DPP10: variants seen among roughly 807,000 people sequenced by gnomAD.
The protein encoded by DPP10 is dipeptidyl peptidase like 10.
DPP10 carries 33 observed loss-of-function variants against 120.9 expected under a neutral mutation model. The ratio of observed to expected loss-of-function variants is 0.27; its 90% CI spans 0.21 to 0.37. DPP10 has a LOEUF of 0.37. DPP10 is among the 10% of genes least tolerant of loss of function. DPP10 has a pLI of 1.00. For missense variants in DPP10, 816 were observed against 942.8 expected, an observed-to-expected ratio of 0.87 and a Z score of 1.76; for synonymous variants, 337 against 326.1, an observed-to-expected ratio of 1.03 and a Z score of -0.36.
At chr2:115,507,137 G>T (rs141763435) in intron 4 of DPP10, among the ~76,000 whole-genome samples, 1 of 151,794 alleles carries the variant, frequency 6.6e-6, no homozygotes, top group African/African-American at 2.4e-5. Flanking sequence ...TGATATATCT[G>T]GCTGAAATAA....
intron 19 of DPP10, among the ~76,000 whole-genome samples, chr2:115,792,018 A>T (rs1395063420): frequency 2.0e-5 from 3 of 152,186 alleles, no homozygotes; most frequent in Non-Finnish European, 4.4e-5. Context: ...GTCTAAAATT[A>T]TATCTTTAGA....
chr2:115,024,619 T>C (rs924279635), intron 1 of DPP10, among the ~76,000 whole-genome samples: 2 of 150,786 alleles, frequency 1.3e-5, no homozygotes, highest in African/African-American at 4.8e-5. Context: ...ATACATAACC[T>C]TAAATGTATA....
intron 1 of DPP10, among the ~76,000 whole-genome samples, chr2:114,700,350 G>A (rs1305375534): frequency 3.3e-5 from 5 of 152,024 alleles, no homozygotes; most frequent in African/African-American, 1.2e-4. Context: ...AAACTCCTAG[G>A]TGTAGATTAC....
At chr2:115,174,531 A>G (rs2053569419) in intron 1 of DPP10, among the ~76,000 whole-genome samples, 1 of 152,218 alleles carries the variant, frequency 6.6e-6, no homozygotes, top group Non-Finnish European at 1.5e-5. Context: ...TATATTTTCT[A>G]TAATTAACAT....
intron 1 of DPP10, among the ~76,000 whole-genome samples, chr2:114,539,840 GCA>G (rs1686814395): frequency 6.6e-6 from 1 of 152,100 alleles, no homozygotes; most frequent in Non-Finnish European, 1.5e-5. Flanking sequence ...GTCTTCTAAA[GCA>G]CATTGACATA....
intron 1 of DPP10, among the ~76,000 whole-genome samples, chr2:114,899,900 C>A (rs1325596289): frequency 6.6e-6 from 1 of 152,186 alleles, no homozygotes; most frequent in African/African-American, 2.4e-5. Flanking sequence ...GTGGAGCTGG[C>A]AGTGAGCCAA....
At chr2:115,246,645 G>A (rs560234399) in intron 1 of DPP10, among the ~76,000 whole-genome samples, 2 of 152,200 alleles carry the variant, frequency 1.3e-5, no homozygotes, top group African/African-American at 2.4e-5. Context: ...GCGACAGAAC[G>A]GAGGGAAACT....
chr2:115,077,895 T>A (rs1707933125), intron 1 of DPP10, among the ~76,000 whole-genome samples: 1 of 152,236 alleles, frequency 6.6e-6, no homozygotes, highest in Middle Eastern at 3.2e-3. Context: ...CCATTCTCAA[T>A]AATATTGCCC....
Position 115,742,679 on chromosome 2 carries a change from G to T in DPP10, c.852+2786G>T, listed in dbSNP as rs549089958. On this transcript the variant is annotated intron_variant, in intron 9 of 25. Coordinates refer to ENST00000410059, the MANE Select transcript of DPP10 (RefSeq NM_020868.6). ...TTCAGATTTTTTATTATCTACTCTG[G>T]TTTCAAAAAATGTTTTGTTAGTTTT... Among the ~76,000 whole-genome samples the T allele has an allele frequency of 1.4e-4, 21 of 152,002 alleles. No individual in the cohort carries two copies. In the South Asian group the frequency reaches 4.1e-3, roughly 30 times the overall value.
At chr2:114,505,613 G>A (rs151092041) in intron 1 of DPP10, among the ~76,000 whole-genome samples, 219 of 152,194 alleles carry the variant, frequency 1.4e-3, no homozygotes, top group African/African-American at 4.7e-3. Flanking sequence ...CCTTCAAACT[G>A]TATAAGGTAG....
Position 114,592,076 on chromosome 2 carries a change from T to A in DPP10, c.60+149238T>A, listed in dbSNP as rs999144978. Among the ~76,000 whole-genome samples the A allele has an allele frequency of 7.2e-5, 11 of 152,302 alleles. No individual in the cohort carries two copies. The East Asian group carries it at 2.1e-3, about 29-fold the overall frequency. ...GATGGAAAATTTAGTTTATTTTAATTTAGGCTGTATGTAGCTCAAACATAT... is the reference window on the plus strand; with the variant it reads ...GATGGAAAATTTAGTTTATTTTAATATAGGCTGTATGTAGCTCAAACATAT... On this transcript the variant is annotated intron_variant, in intron 1 of 25. Transcript: ENST00000410059.
At chr2:115,116,505 C>G (rs2049515009) in intron 1 of DPP10, among the ~76,000 whole-genome samples, 1 of 152,114 alleles carries the variant, frequency 6.6e-6, no homozygotes, top group South Asian at 2.1e-4. Context: ...CTTAATTTAT[C>G]AGATTCAAAC....
At chr2:114,564,869 A>C (rs1053421883) in intron 1 of DPP10, among the ~76,000 whole-genome samples, 4 of 152,178 alleles carry the variant, frequency 2.6e-5, no homozygotes, top group African/African-American at 9.7e-5. Flanking sequence ...TGTTTTTGAA[A>C]TTATAATGAA....
rs893371025 is a variant in DPP10 at position 115,161,817 on chromosome 2, C to T, written c.61-147422C>T. On this transcript the variant is annotated intron_variant, in intron 1 of 25. Coordinates refer to ENST00000410059, the MANE Select transcript of DPP10 (RefSeq NM_020868.6). The stretch of plus-strand genomic sequence containing the variant: ...CCGGTGCCGCTCTTCTTCCCCTCCC[C>T]GCCCCTCCGCTCCCCCCACCCCGTC... 1.2e-5 allele frequency: 10 copies of T among 815,522 alleles called. No individual in the cohort carries two copies. In the East Asian group the frequency reaches 1.5e-4, roughly 12 times the overall value. The allele number at this position is 815,522 out of a possible 1,614,324, so 50.5% of individuals were successfully genotyped here.
chr2:115,398,266 T>C (rs970702454), intron 3 of DPP10, among the ~76,000 whole-genome samples: 2 of 152,114 alleles, frequency 1.3e-5, no homozygotes, highest in African/African-American at 4.8e-5. Context: ...AATATCTCTT[T>C]CCATAAATAT....
chr2:115,683,436 C>T (rs1272490736), intron 5 of DPP10, among the ~76,000 whole-genome samples: 1 of 151,898 alleles, frequency 6.6e-6, no homozygotes, highest in African/African-American at 2.4e-5. Context: ...TCATTATATA[C>T]TCATCATAAC....
At chr2:115,444,239 C>T (rs1469713923) in intron 3 of DPP10, among the ~76,000 whole-genome samples, 1 of 152,158 alleles carries the variant, frequency 6.6e-6, no homozygotes, top group Non-Finnish European at 1.5e-5. Context: ...TATTTTTCTT[C>T]TCACTTCAAT....
chr2:115,058,596 C>T (rs1226538338), intron 1 of DPP10, among the ~76,000 whole-genome samples: 2 of 152,044 alleles, frequency 1.3e-5, no homozygotes, highest in African/African-American at 4.8e-5. Context: ...GACGGGGTTT[C>T]GCCATGTTGG....
intron 1 of DPP10, among the ~76,000 whole-genome samples, chr2:114,583,380 T>C (rs1690698751): frequency 1.3e-5 from 2 of 152,220 alleles, no homozygotes; most frequent in African/African-American, 4.8e-5. Context: ...CTACTCAACT[T>C]AGCTATTATC....
Sources: gnomAD v4.1 joint callset for allele counts (sites outside exome capture counted in the v4.1 genomes callset) on GRCh38, gnomAD v4.1.1 for gene constraint, MANE v1.5 for transcripts, NCBI Gene and HGNC (gene_info 2026-07-23, HGNC 2026-07-21) for gene names.